The following CNBD2 variants were observed in gnomAD, a reference collection of about 807,000 sequenced individuals.
The protein encoded by CNBD2 is cyclic nucleotide-binding domain-containing protein 2.
In CNBD2, 64 loss-of-function variants were observed where a neutral mutation model predicts 63.7. That is an observed-to-expected ratio of 1.00 (90% CI 0.82 to 1.24). The LOEUF is 1.24. Ranked by LOEUF, CNBD2 falls within the 50% of genes most tolerant of loss-of-function variation. The probability of loss-of-function intolerance (pLI) is 0.00; values close to 1 mark genes in which losing one functional copy is unlikely to be tolerated. For synonymous variants in CNBD2, 229 were observed against 255.4 expected (o/e 0.90, Z 0.99); for missense variants, 691 against 713.5 (o/e 0.97, Z 0.36).
At chr20:35,993,102 C>T (rs893037009) in intron 7 of CNBD2, among the ~76,000 whole-genome samples, 3 of 151,794 alleles carry the variant, frequency 2.0e-5, no homozygotes, top group African/African-American at 4.8e-5. Context: ...TTGAGGAAAC[C>T]GGGCTCATGT....
chr20:35,975,075 C>T (rs1231383827), intron 2 of CNBD2: 1 of 143,186 alleles, frequency 7.0e-6, no homozygotes, highest in African/African-American at 2.6e-5. Context: ...GATCTCGGCT[C>T]ACTGCAAGCT....
chr20:35,957,408 G>A (rs924495168), downstream of CNBD2, among the ~76,000 whole-genome samples: 6 of 152,058 alleles, frequency 3.9e-5, no homozygotes, highest in Non-Finnish European at 8.8e-5. Context: ...GCAACATGAT[G>A]AAACCCTGTC....
chr20:35,963,644 T>TA (rs2056324243), upstream of CNBD2, among the ~76,000 whole-genome samples: 1 of 151,764 alleles, frequency 6.6e-6, no homozygotes, highest in African/African-American at 2.4e-5. Context: ...GTCTCAAAAA[T>TA]AAATAAATAA....
At chr20:36,018,495 G>A (rs2057164932) in intron 10 of CNBD2, among the ~76,000 whole-genome samples, 1 of 152,222 alleles carries the variant, frequency 6.6e-6, no homozygotes, top group South Asian at 2.1e-4. Context: ...TGAGGTGCCT[G>A]TGGTAGGACT....
chr20:36,018,236 G>T (rs1466930862), intron 10 of CNBD2, among the ~76,000 whole-genome samples: 1 of 152,190 alleles, frequency 6.6e-6, no homozygotes, highest in East Asian at 1.9e-4. Context: ...GCCTTGCTCA[G>T]TTTGGTAGGC....
chr20:36,017,763 G>A (rs112862058), intron 10 of CNBD2, among the ~76,000 whole-genome samples: 10 of 152,128 alleles, frequency 6.6e-5, no homozygotes, highest in Admixed American at 2.6e-4. Context: ...CCATTCCTTC[G>A]GTCATTCTTC....
rs759386990 is a variant in CNBD2 at position 35,984,589 on chromosome 20, G to T, written c.565-38G>T. On this transcript the variant is annotated intron_variant, in intron 5 of 11. Coordinates refer to ENST00000373973, the MANE Select transcript of CNBD2 (RefSeq NM_001365709.1). ...GTAAGGCTGAGGACAGGAAGTGGAGGTGGCCTCACACTTGCCCTTGCCCTG... is the reference window on the plus strand; with the variant it reads ...GTAAGGCTGAGGACAGGAAGTGGAGTTGGCCTCACACTTGCCCTTGCCCTG... The T allele has an allele frequency of 3.1e-6, 5 of 1,604,346 alleles. No individual in the cohort carries two copies. The South Asian group carries it at 5.5e-5, about 18-fold the overall frequency.
intron 2 of CNBD2, among the ~76,000 whole-genome samples, chr20:35,962,029 G>A (rs1237939399): frequency 6.6e-6 from 1 of 152,096 alleles, no homozygotes; most frequent in East Asian, 1.9e-4. Flanking sequence ...GGAGAAGTAC[G>A]AGTTTTGCCA....
At chr20:35,968,990 C>G (rs370498014) in intron 1 of CNBD2, among the ~76,000 whole-genome samples, 177 bp downstream of exon 1, 4 of 152,146 alleles carry the variant, frequency 2.6e-5, no homozygotes, top group African/African-American at 9.7e-5. Flanking sequence ...ACCAGCCCCC[C>G]ACACTGGGCA....
At chr20:36,014,352 CA>C (rs2057106323) in intron 10 of CNBD2, among the ~76,000 whole-genome samples, 1 of 144,316 alleles carries the variant, frequency 6.9e-6, no homozygotes, top group African/African-American at 2.6e-5. Context: ...TTTTTTTTGA[CA>C]GAGTCTTTCT....
intron 2 of CNBD2, chr20:35,974,411 G>C (rs2056469492): frequency 1.3e-5 from 2 of 153,940 alleles, no homozygotes; most frequent in Non-Finnish European, 2.9e-5. Context: ...GCATGGGGCA[G>C]TTGGAAGCTA....
intron 3 of CNBD2, among the ~76,000 whole-genome samples, chr20:35,979,518 A>C (rs1362023552): frequency 1.3e-5 from 2 of 152,224 alleles, no homozygotes; most frequent in East Asian, 3.8e-4. Context: ...TTGGCCTCCC[A>C]AAGTGTTGGG....
intron 8 of CNBD2, among the ~76,000 whole-genome samples, chr20:36,004,375 C>T (rs1348412785): frequency 6.6e-6 from 1 of 152,174 alleles, no homozygotes; most frequent in Non-Finnish European, 1.5e-5. Flanking sequence ...TGGACTCTAG[C>T]TGCCTTGCCC....
intron 3 of CNBD2, among the ~76,000 whole-genome samples, chr20:35,980,078 A>G (rs2056575158): frequency 6.6e-6 from 1 of 152,160 alleles, no homozygotes; most frequent in African/African-American, 2.4e-5. Flanking sequence ...GACAGAGGCA[A>G]AGGTCTCCCC....
chr20:35,956,644 G>T (rs986386404), downstream of CNBD2, among the ~76,000 whole-genome samples: 1 of 152,200 alleles, frequency 6.6e-6, no homozygotes, highest in African/African-American at 2.4e-5. Flanking sequence ...CTTGACTTCT[G>T]TCTGGCCCCT....
chr20:35,986,848 T>C (rs2056674069), intron 6 of CNBD2, among the ~76,000 whole-genome samples: 1 of 152,076 alleles, frequency 6.6e-6, no homozygotes, highest in Admixed American at 6.5e-5. Context: ...GCAGTCACAG[T>C]GGGGTGGGTT....
At chr20:35,989,447 G>A (rs892420250) in intron 7 of CNBD2, among the ~76,000 whole-genome samples, 9 of 152,170 alleles carry the variant, frequency 5.9e-5, no homozygotes, top group African/African-American at 2.2e-4. Context: ...CAAGTGATTG[G>A]TGCAAACTCT....
chr20:35,979,502 C>T (rs969686395), intron 3 of CNBD2, among the ~76,000 whole-genome samples: 6 of 152,232 alleles, frequency 3.9e-5, no homozygotes, highest in Non-Finnish European at 8.8e-5. Flanking sequence ...AAGTGATCCC[C>T]CTGCCTTGGC....
intron 10 of CNBD2, among the ~76,000 whole-genome samples, chr20:36,018,608 C>A (rs189426289): frequency 6.6e-6 from 1 of 152,290 alleles, no homozygotes; most frequent in Admixed American, 6.5e-5. Context: ...ATCGTCCTCA[C>A]CCTTGGGAGT....
Sources: gnomAD v4.1 joint callset for allele counts (sites outside exome capture counted in the v4.1 genomes callset) on GRCh38, gnomAD v4.1.1 for gene constraint, MANE v1.5 for transcripts, NCBI Gene and HGNC (gene_info 2026-07-23, HGNC 2026-07-21) for gene names.